Variants in DAB1 observed in about 807,000 individuals in gnomAD.
DAB1 encodes the protein DAB adaptor protein 1, also known as disabled homolog 1.
A neutral mutation model predicts 64.6 loss-of-function variants in DAB1; 15 were observed. That is an observed-to-expected ratio of 0.23 (90% CI 0.16 to 0.36). The LOEUF (loss-of-function observed/expected upper bound fraction) is 0.36. DAB1 is among the 10% of genes least tolerant of loss of function. The probability of loss-of-function intolerance (pLI) is 1.00; values close to 1 mark genes in which losing one functional copy is unlikely to be tolerated. For synonymous variants in DAB1, 235 were observed against 251.9 expected (o/e 0.93, Z 0.64); for missense variants, 596 against 706.7 (o/e 0.84, Z 1.78).
chr1:57,817,605 T>C (rs906752559), intron 6 of DAB1, among the ~76,000 whole-genome samples: 2 of 152,194 alleles, frequency 1.3e-5, no homozygotes, highest in African/African-American at 4.8e-5. Flanking sequence ...CAACACTCAA[T>C]GTCAGGCAAC....
rs1570542100 is a variant in DAB1, at chr1:58,251,540, A to C, written n.309+91812T>G. Reference sequence around the variant, plus strand: ...TCTGAGATCTGTATGATAAGGAACCAGTCATTAGAAATAGAGGGAACAAGA... The same window carrying C: ...TCTGAGATCTGTATGATAAGGAACCCGTCATTAGAAATAGAGGGAACAAGA... On this transcript the variant is annotated intron_variant and non_coding_transcript_variant, in intron 4 of 20. Coordinates refer to the DAB1 transcript ENST00000485760. 4.6e-5 allele frequency among the ~76,000 whole-genome samples: 7 copies of C among 152,342 alleles called. 2 individuals carry two copies. Among genetic ancestry groups the C allele is most frequent in the Admixed American group, 4.6e-4 (7 of 15,304 alleles).
At chr1:57,040,947 C>T (rs899062845) in intron 9 of DAB1, among the ~76,000 whole-genome samples, 2 of 152,182 alleles carry the variant, frequency 1.3e-5, no homozygotes, top group Middle Eastern at 3.2e-3. Context: ...TCTTTCTTTG[C>T]TGCTGTGCCT....
At chr1:58,021,151 C>T (rs966869629) in intron 5 of DAB1, among the ~76,000 whole-genome samples, 4 of 152,232 alleles carry the variant, frequency 2.6e-5, no homozygotes, top group Non-Finnish European at 5.9e-5. Flanking sequence ...AATGCAAATT[C>T]ATAGCTTAAG....
chr1:57,793,965 G>T (rs1459113396), intron 6 of DAB1, among the ~76,000 whole-genome samples: 1 of 152,130 alleles, frequency 6.6e-6, no homozygotes, highest in Non-Finnish European at 1.5e-5. Flanking sequence ...GATTACTTTG[G>T]AATGCCCTGC....
At chr1:57,727,726 C>CCTTCCTTCCTTCCT (rs1647239817) in intron 6 of DAB1, among the ~76,000 whole-genome samples, 72 of 137,124 alleles carry the variant, frequency 5.3e-4, no homozygotes, top group African/African-American at 1.9e-3. Flanking sequence ...CCTTCCTTCT[C>CCTTCCTTCCTTCCT]TCCTTCCTTC....
At chr1:57,074,165 G>A (rs921479035) in intron 4 of DAB1, among the ~76,000 whole-genome samples, 12 of 152,080 alleles carry the variant, frequency 7.9e-5, no homozygotes, top group African/African-American at 2.7e-4. Flanking sequence ...CCACTGCACC[G>A]GCCATTTATT....
At chr1:57,093,509 G>T (rs950118776) in intron 4 of DAB1, among the ~76,000 whole-genome samples, 14 of 151,934 alleles carry the variant, frequency 9.2e-5, no homozygotes, top group African/African-American at 3.4e-4. Context: ...AAAAAAATGG[G>T]AATAATAACA....
At chr1:57,271,516 G>A (rs1018628493) in intron 2 of DAB1, among the ~76,000 whole-genome samples, 8 of 152,156 alleles carry the variant, frequency 5.3e-5, no homozygotes, top group African/African-American at 1.9e-4. Context: ...GACAGGCATC[G>A]GGTTCCAGGT....
chr1:58,413,253 C>T (rs760561402), intron 3 of DAB1, among the ~76,000 whole-genome samples: 12 of 152,126 alleles, frequency 7.9e-5, no homozygotes, highest in Non-Finnish European at 1.3e-4. Context: ...CTTTTGTCAC[C>T]GCTTCTCATC....
intron 7 of DAB1, among the ~76,000 whole-genome samples, chr1:57,496,497 T>C (rs1447208350): frequency 1.3e-5 from 2 of 152,134 alleles, no homozygotes; most frequent in African/African-American, 4.8e-5. Flanking sequence ...TAAAACACAC[T>C]ACAATTTATG....
chr1:57,341,659 T>C (rs960253426), intron 1 of DAB1, among the ~76,000 whole-genome samples: 2 of 150,588 alleles, frequency 1.3e-5, no homozygotes, highest in East Asian at 3.9e-4. Context: ...TTTGAGCTGT[T>C]AGACTCTCAA....
chr1:57,517,242 G>T (rs1644473673), intron 7 of DAB1, among the ~76,000 whole-genome samples: 1 of 151,930 alleles, frequency 6.6e-6, no homozygotes, highest in South Asian at 2.1e-4. Flanking sequence ...CCTCATTGCA[G>T]CTTCAGACTC....
At chr1:58,173,478 C>T (rs1206920609) in intron 4 of DAB1, among the ~76,000 whole-genome samples, 4 of 152,138 alleles carry the variant, frequency 2.6e-5, no homozygotes, top group African/African-American at 4.8e-5. Context: ...CAGCAGCGAC[C>T]CCACCACTAG....
chr1:57,690,454 C>G (rs1175795801), intron 6 of DAB1, among the ~76,000 whole-genome samples: 1 of 152,194 alleles, frequency 6.6e-6, no homozygotes, highest in Non-Finnish European at 1.5e-5. Context: ...CCCCTTCTCT[C>G]TCTTCCTCCT....
At chr1:58,209,380 A>T (rs1472238789) in intron 4 of DAB1, among the ~76,000 whole-genome samples, 2 of 152,226 alleles carry the variant, frequency 1.3e-5, no homozygotes, top group Non-Finnish European at 2.9e-5. Context: ...TGCACTTGCA[A>T]ATCTGAAGCA....
At chr1:57,731,315 AG>A (rs1281931269) in intron 6 of DAB1, among the ~76,000 whole-genome samples, 1 of 152,160 alleles carries the variant, frequency 6.6e-6, no homozygotes, top group East Asian at 1.9e-4. Flanking sequence ...TCCAGGGGAC[AG>A]GGCCTGGGGG....
intron 4 of DAB1, chr1:58,228,582 C>T: frequency 4.2e-6 from 2 of 477,192 alleles, no homozygotes; most frequent in Non-Finnish European, 7.7e-6. Flanking sequence ...CTCTAGGAAG[C>T]CCTGCATCTA....
At chr1:57,333,514 C>T (rs1227971731) in intron 1 of DAB1, among the ~76,000 whole-genome samples, 2 of 152,212 alleles carry the variant, frequency 1.3e-5, no homozygotes, top group Non-Finnish European at 2.9e-5. Flanking sequence ...TATTTCTCCA[C>T]CTCGCTTGCA....
intron 4 of DAB1, among the ~76,000 whole-genome samples, chr1:57,096,354 A>G (rs1654163163): frequency 6.6e-6 from 1 of 152,194 alleles, no homozygotes; most frequent in Non-Finnish European, 1.5e-5. Flanking sequence ...CCTAAAATAA[A>G]AACTCACGAG....
Sources: gnomAD v4.1 joint callset for allele counts (sites outside exome capture counted in the v4.1 genomes callset) on GRCh38, gnomAD v4.1.1 for gene constraint, MANE v1.5 for transcripts, NCBI Gene and HGNC (gene_info 2026-07-23, HGNC 2026-07-21) for gene names.